The following ZNF404 variants were observed in gnomAD, a reference collection of about 807,000 sequenced individuals.
ZNF404 encodes the protein zinc finger protein 404.
ZNF404 carries 7 observed loss-of-function variants against 7.3 expected under a neutral mutation model. That is an observed-to-expected ratio of 0.95 (90% CI 0.54 to 1.79). The LOEUF is 1.79. Ranked by LOEUF, ZNF404 falls within the 40% of genes most tolerant of loss-of-function variation. The pLI is 0.00. For missense variants in ZNF404, 560 were observed against 661.5 expected, an observed-to-expected ratio of 0.85 and a Z score of 1.68; for synonymous variants, 191 against 209.9, an observed-to-expected ratio of 0.91 and a Z score of 0.78.
rs751673004 is a variant in ZNF404, at chr19:43,873,713, T to C, written c.501A>G (p.Ala167=). 2 of 1,612,468 alleles carry C rather than the reference T, an allele frequency of 1.2e-6. No homozygotes were observed. Among genetic ancestry groups the C allele is most frequent in the Admixed American group, 3.3e-5 (2 of 59,866 alleles). Reference sequence around the variant, plus strand: ...TAATAAAATGCTGGAAAACTACAAATGCTTTTCCACATTCATTACATTCAT... The same window carrying C: ...TAATAAAATGCTGGAAAACTACAAACGCTTTTCCACATTCATTACATTCAT... The part of the protein sequence containing the change: ...IPYECNECGK[A]FVVFQHFIRH... Residue 167 remains alanine, a synonymous_variant, in exon 3 of 3, where the codon GCA becomes GCG. Transcript: ENST00000587539.
chr19:43,882,440 G>A (rs1031979280), intron 1 of ZNF404, among the ~76,000 whole-genome samples: 1 of 152,014 alleles, frequency 6.6e-6, no homozygotes, highest in Non-Finnish European at 1.5e-5. Context: ...CTTGGGGTGA[G>A]GCAAAGATTT....
intron 2 of ZNF404, among the ~76,000 whole-genome samples, chr19:43,877,237 T>C (rs981284933): frequency 5.3e-5 from 8 of 151,914 alleles, no homozygotes; most frequent in African/African-American, 1.9e-4. Flanking sequence ...TAACAACAAA[T>C]AGACTCCAGA....
In ZNF404 at chr19:43,880,122, G is replaced by A. The variant is rs200729825; in HGVS notation, c.24C>T (p.Phe8=). The A allele has an allele frequency of 2.2e-4, 356 of 1,611,392 alleles. 1 individual carries two copies. Among genetic ancestry groups the A allele is most frequent in the Non-Finnish European group, 4.9e-5 (58 of 1,178,856 alleles). The change falls in exon 2 of 3, where the codon TTC becomes TTT. Residue 8 remains phenylalanine, a synonymous_variant. Transcript: ENST00000587539. MARVPLT[F]SDVAIDFSQE... The stretch of plus-strand genomic sequence containing the variant: ...GAGAGAAGTCTATGGCAACATCGCT[G>A]AATGTCAATGGCACCTGAAATGACA...
chr19:43,872,378 A>T lies in ZNF404; in HGVS notation c.*177T>A, dbSNP rs1418034601. On this transcript the variant is annotated 3_prime_UTR_variant, in exon 3 of 3. Coordinates refer to ENST00000587539, the MANE Select transcript of ZNF404 (RefSeq NM_001033719.3). This position sits in a 1 kb window ranked among gnomAD's most constrained non-coding sequence, Gnocchi z 4.4. ...ACTCATAGGGTCTTCCTTCTATAAG[A>T]TTTATTTTTAGTAATTCTAACAATT... 4 of 494,800 alleles carry T rather than the reference A, an allele frequency of 8.1e-6. No homozygotes were observed. The highest frequency in any genetic ancestry group is 1.4e-5 in the Non-Finnish European group (4 of 292,836). 30.7% of individuals were successfully genotyped at this position (494,800 alleles called of 1,614,324 possible). A position where few individuals can be genotyped will look rare whatever the true frequency, so the allele number is the denominator to read the frequency against.
At chr19:43,879,134 C>A (rs553007496) in intron 2 of ZNF404, among the ~76,000 whole-genome samples, 16 of 151,856 alleles carry the variant, frequency 1.1e-4, no homozygotes, top group African/African-American at 3.9e-4. Context: ...TCCAAGAAAA[C>A]AGATGAAAAT....
rs1342686689 is a variant in ZNF404 at position 43,873,502 on chromosome 19, C to T, written c.712G>A (p.Val238Ile). Residue 238 changes from valine (V) to isoleucine (I), a missense_variant, in exon 3 of 3, where the codon GTT becomes ATT. By Grantham distance (29) the Val-to-Ile change is conservative (BLOSUM62 3). Coordinates refer to ENST00000587539, the MANE Select transcript of ZNF404 (RefSeq NM_001033719.3). ...SHLTEHQKIH[V>I]GLKPFECKEC... is the part of the protein sequence containing the mutation. ...TTACATTCAAAGGGTTTCAAGCCAA[C>T]ATGAATTTTCTGATGTTCTGTAAGG... 1.9e-6 allele frequency: 3 copies of T among 1,613,388 alleles called. No individual in the cohort carries two copies. Among genetic ancestry groups the T allele is most frequent in the East Asian group, 4.5e-5 (2 of 44,860 alleles).
At chr19:43,874,193 G>T in intron 2 of ZNF404, 116 bp from the exon 3 acceptor site, 1 of 787,504 alleles carries the variant, frequency 1.3e-6, no homozygotes, top group Non-Finnish European at 1.9e-6. Flanking sequence ...TAATAAAAGA[G>T]TTTAGAAAAT....
chr19:43,873,965 C>T lies in ZNF404; in HGVS notation c.249G>A (p.Arg83=). ...WKRNKTFNLM[R]FIFRTDPQYT... ...ACTGTGGGTCAGTTCTGAAAATAAA[C>T]CTCATAAGGTTGAAGGTTTTATTTC... The change falls in exon 3 of 3, where the codon AGG becomes AGA. Residue 83 remains arginine (R), a synonymous_variant. Transcript: ENST00000587539. 1.2e-6 allele frequency: 2 copies of T among 1,612,974 alleles called. No homozygotes were observed. Among genetic ancestry groups the T allele is most frequent in the Non-Finnish European group, 1.7e-6 (2 of 1,179,436 alleles).
At chr19:43,881,487 A>G (rs891054443) in intron 1 of ZNF404, among the ~76,000 whole-genome samples, 5 of 152,144 alleles carry the variant, frequency 3.3e-5, no homozygotes, top group African/African-American at 1.2e-4. Flanking sequence ...GAAAAATATA[A>G]AATACTTAGG....
chr19:43,875,328 G>A (rs1262381197), intron 2 of ZNF404, among the ~76,000 whole-genome samples: 2 of 151,944 alleles, frequency 1.3e-5, no homozygotes, highest in African/African-American at 2.4e-5. Flanking sequence ...TGCCTGTAAG[G>A]TTGAAGGTTT....
intron 1 of ZNF404, among the ~76,000 whole-genome samples, chr19:43,881,904 C>A (rs185613791): frequency 6.9e-6 from 1 of 145,082 alleles, no homozygotes; most frequent in Admixed American, 7.0e-5. Flanking sequence ...TTGCAGTGAG[C>A]CAAGATCACA....
chr19:43,880,434 C>T (rs1410163448), intron 1 of ZNF404, among the ~76,000 whole-genome samples: 3 of 152,082 alleles, frequency 2.0e-5, no homozygotes, highest in Non-Finnish European at 4.4e-5. Flanking sequence ...AAGCACAATA[C>T]CTTCTACGTA....
rs753302156 is a variant in ZNF404 at position 43,873,118 on chromosome 19, T to C, written c.1096A>G (p.Arg366Gly). 13 of 1,613,202 alleles carry C rather than the reference T, an allele frequency of 8.1e-6. No homozygotes were observed. Among genetic ancestry groups the C allele is most frequent in the Non-Finnish European group, 1.1e-5 (13 of 1,179,550 alleles). Reference protein sequence around the residue: ...DCKDCGKAFCRGSQLTQHQRI... With the variant: ...DCKDCGKAFCGGSQLTQHQRI... ...TGATGCTGTGTAAGTTGAGAGCCTC[T>C]ACAAAAGGCCTTTCCACAATCCTTA... Residue 366 changes from arginine to glycine, a missense_variant, in exon 3 of 3, where the codon AGA becomes GGA. Transcript: ENST00000587539.
Position 43,873,755 on chromosome 19 carries a change from A to G in ZNF404, c.459T>C (p.His153=), listed in dbSNP as rs1332828675. 6.3e-7 allele frequency: 1 copy of G among 1,596,436 alleles called. No individual in the cohort carries two copies. The highest frequency in any genetic ancestry group is 1.1e-5 in the South Asian group (1 of 91,032). The change falls in exon 3 of 3, where the codon CAT becomes CAC. Residue 153 remains histidine (H), a synonymous_variant. Transcript: ENST00000587539. ...YLHLTEHLRD[H]TGVIPYECNE... is the part of the protein sequence containing the mutation. ...TACATTCATAGGGTATCACACCAGT[A>G]TGGTCTCTCAGATGTTCAGTAAGGT...
chr19:43,876,863 A>T (rs996238438), intron 2 of ZNF404, among the ~76,000 whole-genome samples: 2 of 152,146 alleles, frequency 1.3e-5, no homozygotes, highest in Admixed American at 1.3e-4. Flanking sequence ...ACAAACCCAA[A>T]TTGTCCGGCA....
chr19:43,881,528 T>C (rs964804917), intron 1 of ZNF404: 2 of 152,176 alleles, frequency 1.3e-5, no homozygotes, highest in African/African-American at 4.8e-5. Context: ...ACAATACTAA[T>C]ACTCTCATAA....
rs773573216 is a variant in ZNF404, at chr19:43,873,806, A to G, written c.408T>C (p.Tyr136=). The part of the protein sequence containing the change: ...TREKSYECKE[Y]KKGFRKYLHL... Reference sequence around the variant, plus strand: ...GCAAATATTTTCTAAAGCCCTTCTTATATTCCTTACACTCATATGATTTCT... The same window carrying G: ...GCAAATATTTTCTAAAGCCCTTCTTGTATTCCTTACACTCATATGATTTCT... Residue 136 remains tyrosine, a synonymous_variant, in exon 3 of 3, where the codon TAT becomes TAC. Coordinates refer to ENST00000587539, the MANE Select transcript of ZNF404 (RefSeq NM_001033719.3). The G allele has an allele frequency of 1.9e-6, 3 of 1,591,772 alleles. No individual in the cohort carries two copies. The highest frequency in any genetic ancestry group is 2.5e-6 in the Non-Finnish European group (3 of 1,179,238).
At chr19:43,876,282 C>G (rs1971849811) in intron 2 of ZNF404, among the ~76,000 whole-genome samples, 2 of 151,956 alleles carry the variant, frequency 1.3e-5, no homozygotes, top group South Asian at 4.2e-4. Flanking sequence ...CCACTGTACT[C>G]TAGCCTGGGC....
At chr19:43,874,580 C>A (rs1266912184) in intron 2 of ZNF404, among the ~76,000 whole-genome samples, 1 of 152,094 alleles carries the variant, frequency 6.6e-6, no homozygotes, top group Non-Finnish European at 1.5e-5. Flanking sequence ...CTATATTGTA[C>A]CACATTGCAT....
Sources: allele counts gnomAD v4.1 joint callset (sites outside exome capture counted in the v4.1 genomes callset), GRCh38; gene constraint gnomAD v4.1.1; non-coding constraint Gnocchi (gnomAD v3.1); transcripts MANE v1.5; gene names NCBI Gene and HGNC (gene_info 2026-07-23, HGNC 2026-07-21).